Variants in SCFD2 observed in about 807,000 individuals in gnomAD.
SCFD2 encodes sec1 family domain containing 2, also known as sec1 family domain-containing protein 2.
Under a neutral mutation model 58.9 loss-of-function variants are expected in SCFD2, and 54 were observed. That is an observed-to-expected ratio of 0.92 (90% confidence interval 0.74 to 1.15). The LOEUF is 1.15. Among genes scored for constraint, SCFD2 ranks in the 50% most tolerant of loss-of-function variants. The probability of loss-of-function intolerance (pLI) is 0.00; values close to 1 mark genes in which losing one functional copy is unlikely to be tolerated. For synonymous variants in SCFD2, 321 were observed against 335.9 expected, an observed-to-expected ratio of 0.96 and a Z score of 0.49; for missense variants, 805 against 836.6, an observed-to-expected ratio of 0.96 and a Z score of 0.47.
chr4:53,256,045 G>C (rs1341437695), intron 4 of SCFD2, among the ~76,000 whole-genome samples: 2 of 150,664 alleles, frequency 1.3e-5, no homozygotes, highest in Non-Finnish European at 3.0e-5. Context: ...TTCCGGACGG[G>C]GCGGCTGGCC....
chr4:52,999,209 A>T (rs566013885), intron 5 of SCFD2, among the ~76,000 whole-genome samples: 1 of 152,344 alleles, frequency 6.6e-6, no homozygotes, highest in South Asian at 2.1e-4. Flanking sequence ...GATTGCCTAT[A>T]CCCTAAAACC....
intron 5 of SCFD2, among the ~76,000 whole-genome samples, chr4:53,064,854 T>C (rs1723612601): frequency 6.6e-6 from 1 of 152,102 alleles, no homozygotes; most frequent in South Asian, 2.1e-4. Flanking sequence ...CTTCATAGGG[T>C]TCCATGAGAT....
chr4:52,876,633 C>T (rs1201605258), intron 8 of SCFD2, among the ~76,000 whole-genome samples: 1 of 151,746 alleles, frequency 6.6e-6, no homozygotes, highest in African/African-American at 2.4e-5. Context: ...GCCTGCAGTC[C>T]CAGCTACTTG....
chr4:53,290,308 T>C (rs1731797790), intron 3 of SCFD2, among the ~76,000 whole-genome samples: 1 of 152,016 alleles, frequency 6.6e-6, no homozygotes, highest in South Asian at 2.1e-4. Context: ...CAGAAATCAG[T>C]AATAGGAGAA....
At chr4:52,948,275 AT>A in intron 5 of SCFD2, 2 of 277,832 alleles carry the variant, frequency 7.2e-6, no homozygotes, top group South Asian at 7.4e-5. Context: ...ATGGCTCTTA[AT>A]CAGCAGAGCC....
intron 7 of SCFD2, among the ~76,000 whole-genome samples, chr4:52,898,846 G>A (rs1039500622): frequency 2.0e-5 from 3 of 152,200 alleles, no homozygotes; most frequent in Non-Finnish European, 4.4e-5. Flanking sequence ...CCTGTATTGG[G>A]TGCATATATA....
At chr4:52,929,444 A>G (rs938436268) in intron 5 of SCFD2, among the ~76,000 whole-genome samples, 1 of 152,236 alleles carries the variant, frequency 6.6e-6, no homozygotes, top group African/African-American at 2.4e-5. Context: ...GTCAGCTGAC[A>G]ACTATTATTA....
intron 3 of SCFD2, among the ~76,000 whole-genome samples, chr4:53,300,577 C>G (rs963279387): frequency 6.6e-6 from 1 of 152,154 alleles, no homozygotes; most frequent in Non-Finnish European, 1.5e-5. Context: ...AGGAATTGAA[C>G]GCAGCTCTGC....
intron 5 of SCFD2, chr4:52,950,164 A>G (rs1212083285): frequency 1.3e-5 from 2 of 152,236 alleles, no homozygotes; most frequent in Non-Finnish European, 2.9e-5. Context: ...AATGGGTTTT[A>G]CATACACGCA....
intron 3 of SCFD2, 26 bp downstream of exon 3, chr4:53,313,610 T>C (rs757842198): frequency 6.2e-7 from 1 of 1,613,530 alleles, no homozygotes; most frequent in South Asian, 1.1e-5. Flanking sequence ...CCTCAGAGGC[T>C]GCCTGTGTCC....
At chr4:53,238,101 G>T (rs1458535572) in intron 4 of SCFD2, among the ~76,000 whole-genome samples, 3 of 126,994 alleles carry the variant, frequency 2.4e-5, no homozygotes, top group East Asian at 2.5e-4. Context: ...CGGGCAGAGG[G>T]GCTCCTCACT....
intron 5 of SCFD2, among the ~76,000 whole-genome samples, chr4:53,063,217 T>G (rs1170036415): frequency 6.6e-6 from 1 of 152,144 alleles, no homozygotes; most frequent in Non-Finnish European, 1.5e-5. Context: ...CTGTCAGACT[T>G]TATTCAAAAT....
chr4:53,345,233 G>C (rs1444171170), intron 2 of SCFD2, among the ~76,000 whole-genome samples: 1 of 151,904 alleles, frequency 6.6e-6, no homozygotes, highest in East Asian at 1.9e-4. Flanking sequence ...AATCTACAAA[G>C]AACTTAAACA....
chr4:53,237,316 G>T (rs1468836158), intron 4 of SCFD2, among the ~76,000 whole-genome samples: 6 of 151,430 alleles, frequency 4.0e-5, no homozygotes, highest in Non-Finnish European at 8.8e-5. Flanking sequence ...CCACAAAGCC[G>T]CCATTGTCAT....
intron 5 of SCFD2, among the ~76,000 whole-genome samples, chr4:53,118,258 A>G (rs1340443916): frequency 6.6e-6 from 1 of 152,176 alleles, no homozygotes; most frequent in East Asian, 1.9e-4. Context: ...CCTGCCTGGC[A>G]CATAGTAGGT....
At chr4:52,955,940 T>C (rs1162202452) in intron 5 of SCFD2, 2 of 399,366 alleles carry the variant, frequency 5.0e-6, no homozygotes, top group African/African-American at 4.2e-5. Flanking sequence ...CAGAAGATAA[T>C]CCCTTACATT....
intron 4 of SCFD2, among the ~76,000 whole-genome samples, chr4:53,202,286 C>G (rs938158792): frequency 1.3e-5 from 2 of 152,270 alleles, no homozygotes; most frequent in African/African-American, 4.8e-5. Context: ...ATAGGGAATC[C>G]TTTCCCCATT....
intron 5 of SCFD2, among the ~76,000 whole-genome samples, chr4:53,077,901 C>T (rs922691922): frequency 2.6e-5 from 4 of 152,042 alleles, no homozygotes; most frequent in African/African-American, 9.7e-5. Context: ...ATACATAGCA[C>T]TTTTCTTGGT....
intron 2 of SCFD2, among the ~76,000 whole-genome samples, chr4:53,344,023 C>T (rs1382192495): frequency 1.3e-5 from 2 of 152,140 alleles, no homozygotes; most frequent in African/African-American, 2.4e-5. Flanking sequence ...GAAGCATTCC[C>T]TTTGAAAACT....
Sources: gnomAD v4.1 joint callset for allele counts (sites outside exome capture counted in the v4.1 genomes callset) on GRCh38, gnomAD v4.1.1 for gene constraint, MANE v1.5 for transcripts, NCBI Gene and HGNC (gene_info 2026-07-23, HGNC 2026-07-21) for gene names.